Variants in SPTBN1 observed in about 807,000 individuals in gnomAD.
The protein encoded by SPTBN1 is spectrin beta chain, non-erythrocytic 1.
A neutral mutation model predicts 266.4 loss-of-function variants in SPTBN1; 32 were observed. The ratio of observed to expected loss-of-function variants is 0.12; its 90% CI spans 0.09 to 0.16. The LOEUF (loss-of-function observed/expected upper bound fraction) is 0.16. SPTBN1 is among the 10% of genes least tolerant of loss of function. SPTBN1 has a pLI of 1.00. For synonymous variants in SPTBN1, 1,336 were observed against 1,162.2 expected, an observed-to-expected ratio of 1.15 and a Z score of -3.04; for missense variants, 2,296 against 3,067.1, an observed-to-expected ratio of 0.75 and a Z score of 5.94.
chr2:54,670,494 T>C lies in SPTBN1; in HGVS notation c.*1925T>C. ...TCTTACCTCTAGGCAAACTGAGACCTCACCATCCTCTCCCCTGCTTCCCAC... is the reference window on the plus strand; with the variant it reads ...TCTTACCTCTAGGCAAACTGAGACCCCACCATCCTCTCCCCTGCTTCCCAC... On this transcript the variant is annotated 3_prime_UTR_variant, in exon 36 of 36. Transcript: ENST00000356805. 1 of 392,472 alleles carries C rather than the reference T, an allele frequency of 2.5e-6. No homozygotes were observed. 24.3% of individuals were successfully genotyped at this position (392,472 alleles called of 1,614,324 possible).
chr2:54,477,910 C>CAA (rs113228950), intron 1 of SPTBN1, among the ~76,000 whole-genome samples: 9 of 139,838 alleles, frequency 6.4e-5, no homozygotes, highest in African/African-American at 2.1e-4. Context: ...GAGTCCATCT[C>CAA]AAAAAAAAAA....
intron 2 of SPTBN1, among the ~76,000 whole-genome samples, chr2:54,571,576 T>C (rs62134678): frequency 0.091 from 9,167 of 100,268 alleles, 333 homozygotes; most frequent in African/African-American, 0.18. Context: ...CACACACACA[T>C]ACACACACAC....
intron 2 of SPTBN1, among the ~76,000 whole-genome samples, chr2:54,581,041 T>G (rs1674860922): frequency 6.6e-6 from 1 of 151,692 alleles, no homozygotes; most frequent in African/African-American, 2.4e-5. Context: ...GAGGTTGCAG[T>G]GAGCCACGAT....
chr2:54,599,832 A>G (rs1038125178), intron 3 of SPTBN1, among the ~76,000 whole-genome samples: 24 of 152,206 alleles, frequency 1.6e-4, no homozygotes, highest in Non-Finnish European at 2.9e-4. Flanking sequence ...TGTATCCCCA[A>G]TCTGTTTCCC....
chr2:54,650,099 A>C (rs1680171666), intron 26 of SPTBN1, 110 bp downstream of exon 26: 22 of 1,374,732 alleles, frequency 1.6e-5, no homozygotes, highest in Non-Finnish European at 2.2e-5. Context: ...GAATTGCCCC[A>C]ATTAAGCACA....
intron 2 of SPTBN1, among the ~76,000 whole-genome samples, chr2:54,579,715 G>A (rs572463818): frequency 6.6e-6 from 1 of 152,346 alleles, no homozygotes; most frequent in Admixed American, 6.5e-5. Context: ...TAGGTAAAAT[G>A]TAAGTCTTAG....
intron 1 of SPTBN1, among the ~76,000 whole-genome samples, chr2:54,507,551 T>G (rs1358097883): frequency 1.3e-5 from 2 of 152,038 alleles, no homozygotes; most frequent in East Asian, 3.9e-4. Flanking sequence ...GGATATGGTT[T>G]TGGATGAATT....
chr2:54,658,613 T>C (rs1170062060), intron 30 of SPTBN1, among the ~76,000 whole-genome samples: 1 of 152,240 alleles, frequency 6.6e-6, no homozygotes, highest in Non-Finnish European at 1.5e-5. Flanking sequence ...GTGTTTAAAA[T>C]GTACCTGCAT....
intron 2 of SPTBN1, among the ~76,000 whole-genome samples, chr2:54,530,073 A>C (rs983615545): frequency 6.6e-6 from 1 of 152,130 alleles, no homozygotes; most frequent in African/African-American, 2.4e-5. Flanking sequence ...AAAAATGTAC[A>C]TATCACATTT....
At chr2:54,529,679 G>C (rs546965361) in intron 2 of SPTBN1, 52 of 720,570 alleles carry the variant, frequency 7.2e-5, no homozygotes, top group South Asian at 7.0e-4. Flanking sequence ...GATCAAACAG[G>C]CTGTGAAGAA....
chr2:54,668,409 A>T lies in SPTBN1; in HGVS notation c.6935A>T (p.Glu2312Val). 1.2e-6 allele frequency: 2 copies of T among 1,614,146 alleles called. No individual in the cohort carries two copies. The highest frequency in any genetic ancestry group is 1.7e-6 in the Non-Finnish European group (2 of 1,180,028). Residue 2312 changes from glutamate to valine, a missense_variant, in exon 36 of 36, where the codon GAG (glutamate) becomes GTG (valine). Physicochemically the swap from Glu to Val is moderately radical, Grantham distance 121. This residue lies in a region of SPTBN1 where 347 missense variants were observed against 368.5 expected (regional missense o/e 0.94). Coordinates refer to ENST00000356805, the MANE Select transcript of SPTBN1 (RefSeq NM_003128.3). Reference protein sequence around the residue: ...ISSAISSDKHEVSASTQSTPA... With the variant: ...ISSAISSDKHVVSASTQSTPA... ...TCCGCCATCTCCTCTGATAAACACG[A>T]GGTGTCTGCCAGCACCCAGAGCACG...
chr2:54,481,009 C>G (rs1032054107), intron 1 of SPTBN1, among the ~76,000 whole-genome samples: 1 of 152,060 alleles, frequency 6.6e-6, no homozygotes, highest in African/African-American at 2.4e-5. Flanking sequence ...CTTTTATTGT[C>G]ATTAAGAGTG....
rs202075412 is a variant in SPTBN1, at chr2:54,626,158, G to A, written c.1568G>A (p.Arg523Gln). The change falls in exon 12 of 36, where the codon CGG becomes CAG. Residue 523 changes from arginine (R) to glutamine (Q), a missense_variant. Physicochemically the swap from Arg to Gln is conservative, Grantham distance 43 (BLOSUM62 1). Around this residue, in one of 12 missense-constraint regions of SPTBN1, gnomAD observed 434 missense variants for 573.9 expected, o/e 0.76. Coordinates refer to ENST00000356805, the MANE Select transcript of SPTBN1 (RefSeq NM_003128.3). This position sits in a 1 kb window ranked among gnomAD's most constrained non-coding sequence, Gnocchi z 4.7. ...LLELLRARRQ[R>Q]LEMNLGLQKI... is the part of the protein sequence containing the mutation. ...GAACTGCTCAGGGCCCGGAGACAGCGGCTCGAGATGAACCTGGGGCTGCAG... is the reference window on the plus strand; with the variant it reads ...GAACTGCTCAGGGCCCGGAGACAGCAGCTCGAGATGAACCTGGGGCTGCAG... 19 of 1,614,186 alleles carry A rather than the reference G, an allele frequency of 1.2e-5. No homozygotes were observed. Among genetic ancestry groups the A allele is most frequent in the Non-Finnish European group, 1.4e-5 (17 of 1,180,034 alleles).
intron 3 of SPTBN1, among the ~76,000 whole-genome samples, chr2:54,608,725 G>C (rs1050120920): frequency 1.3e-5 from 2 of 151,780 alleles, no homozygotes; most frequent in African/African-American, 4.8e-5. Context: ...CACACACACA[G>C]TGGATCCTTG....
At chr2:54,580,792 TA>T (rs1266487225) in intron 2 of SPTBN1, among the ~76,000 whole-genome samples, 1 of 152,020 alleles carries the variant, frequency 6.6e-6, no homozygotes, top group Non-Finnish European at 1.5e-5. Context: ...TATTTTTTAA[TA>T]AAAATTATAA....
At chr2:54,552,070 C>G (rs1271318556) in intron 2 of SPTBN1, among the ~76,000 whole-genome samples, 1 of 152,168 alleles carries the variant, frequency 6.6e-6, no homozygotes, top group Admixed American at 6.5e-5. Context: ...AGAGGGAGGA[C>G]TGGTCCTGCC....
chr2:54,576,787 C>T (rs1213747334), intron 2 of SPTBN1, among the ~76,000 whole-genome samples: 1 of 152,196 alleles, frequency 6.6e-6, no homozygotes, highest in Non-Finnish European at 1.5e-5. Flanking sequence ...ACTGGAAACA[C>T]AGGTGTGTAA....
intron 17 of SPTBN1, 116 bp from the exon 18 acceptor site, chr2:54,637,597 G>A: frequency 2.5e-6 from 2 of 805,880 alleles, no homozygotes; most frequent in Non-Finnish European, 3.9e-6. Context: ...ATTGAGAACT[G>A]CAAGCAAACT....
chr2:54,556,672 GGTGT>G (rs370878173), intron 2 of SPTBN1, among the ~76,000 whole-genome samples: 5 of 151,474 alleles, frequency 3.3e-5, no homozygotes, highest in East Asian at 3.9e-4. Flanking sequence ...GTCTTGATGT[GGTGT>G]GTGTGTGTGT....
Sources: allele counts gnomAD v4.1 joint callset (sites outside exome capture counted in the v4.1 genomes callset), GRCh38; gene constraint gnomAD v4.1.1; regional missense constraint gnomAD v4.1.1; non-coding constraint Gnocchi (gnomAD v3.1); transcripts MANE v1.5; gene names NCBI Gene and HGNC (gene_info 2026-07-23, HGNC 2026-07-21).